Variants in NF1 observed in about 807,000 individuals in gnomAD.
NF1 encodes the protein neurofibromin 1, also known as neurofibromin.
In NF1, 122 loss-of-function variants were observed where a neutral mutation model predicts 325.7. That is an observed-to-expected ratio of 0.37 (90% CI 0.32 to 0.44). NF1 has a LOEUF of 0.44. Among genes scored for constraint, NF1 ranks in the 20% least tolerant of loss-of-function variants. NF1 has a pLI of 1.00. For synonymous variants in NF1, 1,091 were observed against 1,186.0 expected (o/e 0.92, Z 1.65); for missense variants, 2,140 against 3,415.4 (o/e 0.63, Z 9.31).
At chr17:31,316,372 AT>A (rs1157271637) in intron 36 of NF1, among the ~76,000 whole-genome samples, 1 of 152,234 alleles carries the variant, frequency 6.6e-6, no homozygotes, top group Non-Finnish European at 1.5e-5. Flanking sequence ...GGATAGTACC[AT>A]TCTGAGAGTA....
intron 40 of NF1, among the ~76,000 whole-genome samples, chr17:31,335,799 C>G (rs2069651371): frequency 6.6e-6 from 1 of 151,922 alleles, no homozygotes. Context: ...CCACCTCAGC[C>G]TCCCAAGTAG....
intron 29 of NF1, among the ~76,000 whole-genome samples, chr17:31,239,596 T>A (rs1398436608): frequency 4.0e-5 from 6 of 151,370 alleles, no homozygotes; most frequent in African/African-American, 9.8e-5. Flanking sequence ...AGGAAAAAAA[T>A]AATGAAACGC....
chr17:31,171,513 A>C (rs1304232682), intron 5 of NF1, among the ~76,000 whole-genome samples: 1 of 152,202 alleles, frequency 6.6e-6, no homozygotes, highest in Non-Finnish European at 1.5e-5. Flanking sequence ...AAACAATAGA[A>C]ATGTTCAATC....
chr17:31,207,053 A>G (rs1484438040), intron 12 of NF1, among the ~76,000 whole-genome samples: 3 of 152,176 alleles, frequency 2.0e-5, no homozygotes, highest in Non-Finnish European at 4.4e-5. Context: ...TATGTATAGC[A>G]AGAGTATTAT....
Position 31,304,442 on chromosome 17 carries a change from C to T in NF1, c.4836-21378C>T, listed in dbSNP as rs375227276. 5 of 1,613,982 alleles carry T rather than the reference C, an allele frequency of 3.1e-6. No individual in the cohort carries two copies. In the African/African-American group the frequency reaches 6.7e-5, roughly 22 times the overall value. On this transcript the variant is annotated intron_variant, in intron 36 of 57. Transcript: ENST00000358273. ...AGCGGTGGAAATGATTGTATTATCT[C>T]AGATTTATGATCTCCACAGTCTTGA...
At chr17:31,122,808 C>G (rs1179192982) in intron 1 of NF1, among the ~76,000 whole-genome samples, 1 of 152,054 alleles carries the variant, frequency 6.6e-6, no homozygotes, top group East Asian at 1.9e-4. Context: ...TAAAAATAGA[C>G]CAGTGGGTCA....
At chr17:31,240,068 G>A (rs996616986) in intron 29 of NF1, among the ~76,000 whole-genome samples, 4 of 152,084 alleles carry the variant, frequency 2.6e-5, no homozygotes, top group East Asian at 1.9e-4. Flanking sequence ...CCGGCCTATC[G>A]TTTCTTTATG....
At chr17:31,172,431 A>G (rs1289817389) in intron 5 of NF1, among the ~76,000 whole-genome samples, 1 of 152,084 alleles carries the variant, frequency 6.6e-6, no homozygotes, top group African/African-American at 2.4e-5. Flanking sequence ...ATATGTGTAT[A>G]TCCAGATCTG....
At position 31,302,521 on chromosome 17, in the gene NF1, T is replaced by C. The variant is rs114309897; in HGVS notation, c.4836-23299T>C. 9.4e-3 allele frequency among the ~76,000 whole-genome samples: 1,434 copies of C among 152,246 alleles called. 24 individuals are homozygous for C. Among genetic ancestry groups the C allele is most frequent in the African/African-American group, 0.032 (1,350 of 41,550 alleles). On this transcript the variant is annotated intron_variant, in intron 36 of 57. Coordinates refer to ENST00000358273, the MANE Select transcript of NF1 (RefSeq NM_001042492.3). ...ATAATAGGAAATTCTCAACTCCAGA[T>C]TGCTGCTGGGGAAATTAGCTTTAAA...
chr17:31,129,454 ATTTTTTT>A, intron 1 of NF1, among the ~76,000 whole-genome samples: 1 of 126,424 alleles, frequency 7.9e-6, no homozygotes, highest in East Asian at 2.3e-4. Context: ...GCATTATGAA[ATTTTTTT>A]TTTTTTTTTT....
chr17:31,113,750 A>T (rs1401469915), intron 1 of NF1, among the ~76,000 whole-genome samples: 1 of 151,914 alleles, frequency 6.6e-6, no homozygotes, highest in Non-Finnish European at 1.5e-5. Context: ...CAAACTCCTG[A>T]CCTTAGGTGA....
chr17:31,297,148 C>A (rs1025335321), intron 36 of NF1: 3 of 152,188 alleles, frequency 2.0e-5, no homozygotes, highest in African/African-American at 7.2e-5. Context: ...ATTTAAATAA[C>A]ATCTTACCGT....
At chr17:31,341,354 T>G (rs1430251192) in intron 47 of NF1, among the ~76,000 whole-genome samples, 1 of 151,746 alleles carries the variant, frequency 6.6e-6, no homozygotes, top group Non-Finnish European at 1.5e-5. Flanking sequence ...CAAAACCCCA[T>G]CTCTACAAAA....
chr17:31,097,356 G>T (rs1008060557), intron 1 of NF1, among the ~76,000 whole-genome samples: 1 of 151,662 alleles, frequency 6.6e-6, no homozygotes, highest in African/African-American at 2.4e-5. Context: ...TACTCGGGAG[G>T]CTGAGGCAGG....
chr17:31,119,286 CCTGA>C (rs1187386667), intron 1 of NF1, among the ~76,000 whole-genome samples: 2 of 151,768 alleles, frequency 1.3e-5, no homozygotes, highest in African/African-American at 4.8e-5. Context: ...TCTGTTGTTT[CCTGA>C]CTTTTTAATG....
At chr17:31,278,544 T>C (rs1048864692) in intron 36 of NF1, among the ~76,000 whole-genome samples, 3 of 137,532 alleles carry the variant, frequency 2.2e-5, no homozygotes, top group African/African-American at 5.4e-5. Context: ...AAAATCCTAT[T>C]AAGTTTTATG....
intron 36 of NF1, among the ~76,000 whole-genome samples, chr17:31,270,604 T>C (rs2067875374): frequency 6.6e-6 from 1 of 152,162 alleles, no homozygotes; most frequent in Admixed American, 6.5e-5. Context: ...AGTGAGGCCT[T>C]CTCTGAAAGA....
intron 1 of NF1, among the ~76,000 whole-genome samples, chr17:31,142,367 ACTCAT>A (rs1300277954): frequency 1.3e-5 from 2 of 152,292 alleles, no homozygotes; most frequent in African/African-American, 4.8e-5. Flanking sequence ...AAGAAGAGAA[ACTCAT>A]AAAAGTAAAA....
chr17:31,313,722 A>ATGTGTGTGTG (rs60267436), intron 36 of NF1, among the ~76,000 whole-genome samples: 85 of 139,050 alleles, frequency 6.1e-4, no homozygotes, highest in African/African-American at 2.1e-3. Flanking sequence ...AAAAAAAAAT[A>ATGTGTGTGTG]TGTGTGTGTG....
Sources: gnomAD v4.1 joint callset for allele counts (sites outside exome capture counted in the v4.1 genomes callset) on GRCh38, gnomAD v4.1.1 for gene constraint, MANE v1.5 for transcripts, NCBI Gene and HGNC (gene_info 2026-07-23, HGNC 2026-07-21) for gene names.